The following ITGB3 variants were observed in gnomAD, a reference collection of about 807,000 sequenced individuals.
ITGB3 encodes the protein integrin subunit beta 3.
A neutral mutation model predicts 85.8 loss-of-function variants in ITGB3; 48 were observed. The ratio of observed to expected loss-of-function variants is 0.56; its 90% confidence interval spans 0.44 to 0.71. The LOEUF (loss-of-function observed/expected upper bound fraction) is 0.71, where lower values mean the gene tolerates loss of function less well. Among genes scored for constraint, ITGB3 ranks in the 30% least tolerant of loss-of-function variants. ITGB3 has a pLI of 0.00. For missense variants in ITGB3, 861 were observed against 1,019.1 expected (o/e 0.84, Z 2.11); for synonymous variants, 363 against 395.6 (o/e 0.92, Z 0.98).
chr17:47,284,001 G>T (rs2065093739), intron 3 of ITGB3, among the ~76,000 whole-genome samples: 1 of 152,198 alleles, frequency 6.6e-6, no homozygotes, highest in Non-Finnish European at 1.5e-5. Context: ...GGGAGGAAGG[G>T]TTAGACTAAA....
intron 1 of ITGB3, among the ~76,000 whole-genome samples, chr17:47,269,324 G>A (rs963690881): frequency 2.0e-5 from 3 of 152,176 alleles, no homozygotes; most frequent in African/African-American, 4.8e-5. Context: ...CAGAAAATGG[G>A]TTTTTCTTTT....
intron 1 of ITGB3, among the ~76,000 whole-genome samples, chr17:47,257,906 C>G (rs2064995950): frequency 6.6e-6 from 1 of 152,150 alleles, no homozygotes; most frequent in Admixed American, 6.5e-5. Flanking sequence ...GGGGCAAGCA[C>G]ACCACAGTGA....
intron 6 of ITGB3, 54 bp downstream of exon 6, chr17:47,287,285 T>C: frequency 1.3e-6 from 2 of 1,594,744 alleles, no homozygotes; most frequent in Non-Finnish European, 1.7e-6. Context: ...AGGGTTGCCC[T>C]AATCTAGGCA....
In ITGB3 at chr17:47,311,462, C is replaced by A. The variant is rs1461229561; in HGVS notation, c.*1258C>A. On this transcript the variant is annotated 3_prime_UTR_variant, in exon 15 of 15. Coordinates refer to ENST00000559488, the MANE Select transcript of ITGB3 (RefSeq NM_000212.3). ...TTTATTTTTCTCATGATGAGGTTTT[C>A]TTAACTTAAAAGAACATGTATATAA... 6.6e-6 allele frequency: 1 copy of A among 152,550 alleles called. No individual in the cohort carries two copies. Among genetic ancestry groups the A allele is most frequent in the Admixed American group, 6.6e-5 (1 of 15,260 alleles). 9.4% of individuals were successfully genotyped at this position (152,550 alleles called of 1,614,324 possible).
intron 2 of ITGB3, among the ~76,000 whole-genome samples, chr17:47,283,039 C>G (rs2065089278): frequency 6.6e-6 from 1 of 152,006 alleles, no homozygotes; most frequent in Non-Finnish European, 1.5e-5. Context: ...CATGAATAGG[C>G]CTTCTTGATA....
In ITGB3 at chr17:47,287,135, T is replaced by C. The variant is rs999723703; in HGVS notation, c.843T>C (p.His281=). The part of the protein sequence containing the change: ...LLVFTTDAKT[H]IALDGRLAGI... ...TGTTTACCACTGATGCCAAGACTCA[T>C]ATAGCATTGGACGGAAGGCTGGCAG... Residue 281 remains histidine, a synonymous_variant, in exon 6 of 15, where the codon CAT becomes CAC. Transcript: ENST00000559488. 2 of 1,613,966 alleles carry C rather than the reference T, an allele frequency of 1.2e-6. No homozygotes were observed. Among genetic ancestry groups the C allele is most frequent in the South Asian group, 1.1e-5 (1 of 91,084 alleles).
At chr17:47,257,685 T>C (rs1481869297) in intron 1 of ITGB3, among the ~76,000 whole-genome samples, 5 of 152,256 alleles carry the variant, frequency 3.3e-5, no homozygotes, top group Non-Finnish European at 7.3e-5. Context: ...CATGAATTCT[T>C]TGGGCATTTG....
At chr17:47,301,692 T>C (rs940526346) in intron 12 of ITGB3, among the ~76,000 whole-genome samples, 1 of 152,088 alleles carries the variant, frequency 6.6e-6, no homozygotes, top group African/African-American at 2.4e-5. Context: ...TAAATGCTTA[T>C]TTATAGGGAA....
chr17:47,300,726 T>A, intron 12 of ITGB3, 148 bp downstream of exon 12: 1 of 703,050 alleles, frequency 1.4e-6, no homozygotes, highest in Non-Finnish European at 2.6e-6. Flanking sequence ...CAATGGACAC[T>A]TGATGTGAGC....
At chr17:47,309,510 G>A (rs371411563) in intron 14 of ITGB3, among the ~76,000 whole-genome samples, 44 of 152,326 alleles carry the variant, frequency 2.9e-4, no homozygotes, top group African/African-American at 1.0e-3. Context: ...GGGCAAAAGA[G>A]ACGGGGACAC....
chr17:47,253,850 G>C lies in ITGB3; in HGVS notation c.-12G>C. 2 of 1,213,822 alleles carry C rather than the reference G, an allele frequency of 1.6e-6. No homozygotes were observed. The highest frequency in any genetic ancestry group is 2.0e-6 in the Non-Finnish European group (2 of 976,540). The allele number at this position is 1,213,822 out of a possible 1,614,324, so 75.2% of individuals were successfully genotyped here. On this transcript the variant is annotated 5_prime_UTR_variant, in exon 1 of 15. Coordinates refer to ENST00000559488, the MANE Select transcript of ITGB3 (RefSeq NM_000212.3). Reference sequence around the variant, plus strand: ...CTGTGGGGCGGGCGGAGCGCCGCGGGAGGCGGACGAGATGCGAGCGCGGCC... The same window carrying C: ...CTGTGGGGCGGGCGGAGCGCCGCGGCAGGCGGACGAGATGCGAGCGCGGCC...
rs2065171542 is a variant in ITGB3 at position 47,302,638 on chromosome 17, G to A, written c.2015-83G>A. On this transcript the variant is annotated intron_variant, in intron 12 of 14. Coordinates refer to ENST00000559488, the MANE Select transcript of ITGB3 (RefSeq NM_000212.3). The stretch of plus-strand genomic sequence containing the variant: ...GGGTTTCCTGTCACATACTTCCCTG[G>A]AAGTCCTGTGATAGGGGTTTGGAGT... The A allele has an allele frequency of 2.6e-6, 4 of 1,538,824 alleles. No individual in the cohort carries two copies. In the Middle Eastern group the frequency reaches 5.1e-4, roughly 197 times the overall value.
At position 47,279,578 on chromosome 17, in the gene ITGB3, A is replaced by T. The variant is rs1183921804; in HGVS notation, c.166-3776A>T. 4 of 152,192 alleles carry T rather than the reference A, an allele frequency of 2.6e-5. No individual in the cohort carries two copies. The East Asian group carries it at 7.7e-4, about 29-fold the overall frequency. The allele number at this position is 152,192 out of a possible 1,614,324, so 9.4% of individuals were successfully genotyped here. A position where few individuals can be genotyped will look rare whatever the true frequency, so the allele number is the denominator to read the frequency against. ...AGGAAACTCATAACAAACCATTAGG[A>T]CTGTCAGCACATCTTAGCGCTTCAA... On this transcript the variant is annotated intron_variant, in intron 2 of 14. Transcript: ENST00000559488.
intron 6 of ITGB3, among the ~76,000 whole-genome samples, chr17:47,289,173 T>G (rs1377737950): frequency 6.6e-6 from 1 of 152,142 alleles, no homozygotes; most frequent in Non-Finnish European, 1.5e-5. Context: ...CCCAGTCCCT[T>G]GTGCACGGAA....
Position 47,284,567 on chromosome 17 carries a change from C to CA in ITGB3, c.488dup (p.Leu164AlafsTer11), listed in dbSNP as rs1237248574. On this transcript the variant is annotated frameshift_variant, in exon 4 of 15. Transcript: ENST00000559488. LOFTEE classifies it high-confidence loss of function. ...TGTGGAGCATCCAGAACCTGGGTAC[C>CA]AAGCTGGCCACCCAGATGCGAAAGC... is the stretch of plus-strand genomic sequence containing the variant. 1 of 1,614,004 alleles carries CA rather than the reference C, an allele frequency of 6.2e-7. No individual in the cohort carries two copies. The highest frequency in any genetic ancestry group is 8.5e-7 in the Non-Finnish European group (1 of 1,180,026).
chr17:47,295,816 C>T (rs2065144013), intron 10 of ITGB3, among the ~76,000 whole-genome samples: 1 of 152,196 alleles, frequency 6.6e-6, no homozygotes, highest in South Asian at 2.1e-4. Context: ...ACTCCTCCCC[C>T]AGCTGCTGTG....
In ITGB3 at chr17:47,310,294, G is replaced by C. The variant is rs2065208698; in HGVS notation, c.*90G>C. The C allele has an allele frequency of 3.8e-6, 5 of 1,301,364 alleles. No homozygotes were observed. The East Asian group carries it at 1.2e-4, about 30-fold the overall frequency. 80.6% of individuals were successfully genotyped at this position (1,301,364 alleles called of 1,614,324 possible). A position where few individuals can be genotyped will look rare whatever the true frequency, so the allele number is the denominator to read the frequency against. Reference sequence around the variant, plus strand: ...TGTTTACAGAGGACAGTATTTGTGGGGAGGGATTTGGGGCTCAGAGTGGGG... The same window carrying C: ...TGTTTACAGAGGACAGTATTTGTGGCGAGGGATTTGGGGCTCAGAGTGGGG... On this transcript the variant is annotated 3_prime_UTR_variant, in exon 15 of 15. Transcript: ENST00000559488.
rs2065218144 is a variant in ITGB3, at chr17:47,312,231, C to A, written c.*2027C>A. Among the ~76,000 whole-genome samples, 1 of 152,236 alleles carries A rather than the reference C, an allele frequency of 6.6e-6. No individual in the cohort carries two copies. The highest frequency in any genetic ancestry group is 2.4e-5 in the African/African-American group (1 of 41,456). On this transcript the variant is annotated 3_prime_UTR_variant, in exon 15 of 15. Coordinates refer to ENST00000559488, the MANE Select transcript of ITGB3 (RefSeq NM_000212.3). ...TCTTTCTTCACTTTGCACACATTTG[C>A]ATCCACATATTAGGGAAGAGGAATC... is the stretch of plus-strand genomic sequence containing the variant.
At chr17:47,277,782 C>T (rs1189441739) in intron 2 of ITGB3, among the ~76,000 whole-genome samples, 2 of 152,284 alleles carry the variant, frequency 1.3e-5, no homozygotes, top group East Asian at 3.9e-4. Flanking sequence ...CCAAGGGTGA[C>T]AGAGGAAGAA....
Sources: allele counts gnomAD v4.1 joint callset (sites outside exome capture counted in the v4.1 genomes callset), GRCh38; gene constraint gnomAD v4.1.1; transcripts MANE v1.5; gene names NCBI Gene and HGNC (gene_info 2026-07-23, HGNC 2026-07-21).